The following ULK4 variants were observed in gnomAD, a reference collection of about 807,000 sequenced individuals.
ULK4 encodes inactive serine/threonine-protein kinase ULK4.
ULK4 carries 133 observed loss-of-function variants against 160.6 expected under a neutral mutation model. That is an observed-to-expected ratio of 0.83 (90% confidence interval 0.72 to 0.96). The LOEUF is 0.96. ULK4 is among the 40% of genes least tolerant of loss of function. ULK4 has a pLI of 0.00. For synonymous variants in ULK4, 534 were observed against 539.8 expected (o/e 0.99, Z 0.15); for missense variants, 1,580 against 1,499.5 (o/e 1.05, Z -0.89).
chr3:41,808,939 C>T lies in ULK4; in HGVS notation c.1849-8646G>A, dbSNP rs190755910. 2.9e-4 allele frequency among the ~76,000 whole-genome samples: 44 copies of T among 152,186 alleles called. No individual in the cohort carries two copies. In the East Asian group the frequency reaches 7.2e-3, roughly 25 times the overall value. On this transcript the variant is annotated intron_variant, in intron 19 of 36. Transcript: ENST00000301831. ...AACCCAGCATTTTGGGAGGCTGAGG[C>T]GGGCGGATCACGAGGTCAGAAGTTT...
intron 22 of ULK4, among the ~76,000 whole-genome samples, chr3:41,722,844 G>A (rs1223442968): frequency 6.6e-6 from 1 of 152,214 alleles, no homozygotes; most frequent in Admixed American, 6.5e-5. Context: ...AAGACATGAG[G>A]GGTGCTTTCA....
chr3:41,844,900 A>T (rs1036968450), intron 17 of ULK4, among the ~76,000 whole-genome samples: 13 of 152,038 alleles, frequency 8.6e-5, no homozygotes, highest in Non-Finnish European at 1.6e-4. Context: ...GTCCACACAA[A>T]CATCTGTAAA....
chr3:41,533,425 C>CTAA (rs2086390502), intron 32 of ULK4, among the ~76,000 whole-genome samples: 1 of 152,114 alleles, frequency 6.6e-6, no homozygotes, highest in African/African-American at 2.4e-5. Context: ...ATGTAATGTC[C>CTAA]CTGTTACTTC....
Position 41,883,932 on chromosome 3 carries a change from A to G in ULK4, c.1598T>C (p.Val533Ala). 3.1e-6 allele frequency: 5 copies of G among 1,610,596 alleles called. No individual in the cohort carries two copies. In the South Asian group the frequency reaches 5.5e-5, roughly 18 times the overall value. ...NWDIRAKVAH[V>A]IGLLASHTAE... ...TGTGTGCGAAGCCAGTAAACCAATT[A>G]CGTGAGCAACCTTGGCCCGTCTGTA... The change falls in exon 17 of 37, where the codon GTA becomes GCA. Residue 533 changes from valine to alanine, a missense_variant. Coordinates refer to ENST00000301831, the MANE Select transcript of ULK4 (RefSeq NM_017886.4).
chr3:41,560,929 C>A (rs2087541083), intron 32 of ULK4, among the ~76,000 whole-genome samples: 1 of 152,216 alleles, frequency 6.6e-6, no homozygotes, highest in Non-Finnish European at 1.5e-5. Flanking sequence ...AGAAGGCATC[C>A]TTGTCTTGTG....
At chr3:41,741,958 T>TC (rs1299317033) in intron 22 of ULK4, among the ~76,000 whole-genome samples, 1 of 151,338 alleles carries the variant, frequency 6.6e-6, no homozygotes, top group Non-Finnish European at 1.5e-5. Context: ...CCCAGAACTG[T>TC]CCCCCCAAAA....
chr3:41,318,295 AGTTTGGT>A (rs2080184940), intron 35 of ULK4, among the ~76,000 whole-genome samples: 1 of 152,156 alleles, frequency 6.6e-6, no homozygotes, highest in Non-Finnish European at 1.5e-5. Flanking sequence ...TTGTAGGACA[AGTTTGGT>A]ATTTTAACTT....
At chr3:41,304,641 A>G (rs2079868601) in intron 35 of ULK4, among the ~76,000 whole-genome samples, 1 of 152,244 alleles carries the variant, frequency 6.6e-6, no homozygotes, top group Admixed American at 6.5e-5. Flanking sequence ...CCCATAACCA[A>G]TCACCACTAC....
chr3:41,931,464 A>G (rs1699595760), intron 5 of ULK4, among the ~76,000 whole-genome samples: 1 of 53,286 alleles, frequency 1.9e-5, no homozygotes, highest in Admixed American at 2.6e-4. Flanking sequence ...CATGTACCCT[A>G]GAACTTAAAA....
intron 35 of ULK4, among the ~76,000 whole-genome samples, chr3:41,378,014 C>G (rs1396413579): frequency 6.6e-6 from 1 of 151,598 alleles, no homozygotes; most frequent in Non-Finnish European, 1.5e-5. Context: ...GAAAATGTGG[C>G]ACATATACAC....
At chr3:41,827,078 A>G (rs901856403) in intron 18 of ULK4, among the ~76,000 whole-genome samples, 16 of 150,674 alleles carry the variant, frequency 1.1e-4, no homozygotes, top group Admixed American at 4.6e-4. Flanking sequence ...ATAACGAAAC[A>G]AAGGCAGAAA....
At chr3:41,536,534 T>C (rs1380856248) in intron 32 of ULK4, among the ~76,000 whole-genome samples, 5 of 152,214 alleles carry the variant, frequency 3.3e-5, no homozygotes, top group African/African-American at 9.7e-5. Context: ...GGAATCTTAC[T>C]GATAACGTAA....
chr3:41,249,598 C>G (rs759137745), intron 35 of ULK4, 24 bp from the exon 36 acceptor site: 3 of 1,608,262 alleles, frequency 1.9e-6, no homozygotes, highest in Non-Finnish European at 2.5e-6. Flanking sequence ...AGGAAGAAGA[C>G]AGTGGTCAGC....
At chr3:41,463,058 C>T (rs780884947) in intron 33 of ULK4, 29 bp downstream of exon 33, 77 of 1,608,122 alleles carry the variant, frequency 4.8e-5, no homozygotes, top group Non-Finnish European at 6.3e-5. Flanking sequence ...AGTAGGGCTG[C>T]TCAAGACACA....
intron 35 of ULK4, among the ~76,000 whole-genome samples, chr3:41,323,088 C>T (rs1429436154): frequency 1.3e-5 from 2 of 152,174 alleles, no homozygotes; most frequent in East Asian, 3.9e-4. Context: ...CAGGCGTGCA[C>T]CACCATGCCC....
intron 30 of ULK4, among the ~76,000 whole-genome samples, chr3:41,658,705 G>A (rs1366110621): frequency 2.2e-4 from 27 of 123,552 alleles, no homozygotes; most frequent in Admixed American, 2.1e-3. Flanking sequence ...TAGACAGCAT[G>A]CTACTGTGTA....
rs1013460332 is a variant in ULK4 at position 41,911,214 on chromosome 3, T to A, written c.1085+103A>T. ...AACTGGCATTTGGCACTAAAATTCCTGTTCTTTATCTCTGTGTAACAAAGT... is the reference window on the plus strand; with the variant it reads ...AACTGGCATTTGGCACTAAAATTCCAGTTCTTTATCTCTGTGTAACAAAGT... On this transcript the variant is annotated intron_variant, in intron 11 of 36. Coordinates refer to ENST00000301831, the MANE Select transcript of ULK4 (RefSeq NM_017886.4). The A allele has an allele frequency of 3.6e-6, 4 of 1,123,432 alleles. No individual in the cohort carries two copies. The African/African-American group carries it at 4.7e-5, about 13-fold the overall frequency. The allele number at this position is 1,123,432 out of a possible 1,614,324, so 69.6% of individuals were successfully genotyped here.
At chr3:41,459,262 A>C (rs1352422309) in intron 33 of ULK4, among the ~76,000 whole-genome samples, 7 of 151,942 alleles carry the variant, frequency 4.6e-5, no homozygotes, top group Non-Finnish European at 8.8e-5. Flanking sequence ...ACAAGATTTC[A>C]CCATGTTGGC....
intron 35 of ULK4, among the ~76,000 whole-genome samples, chr3:41,353,544 T>C (rs1464569567): frequency 2.0e-5 from 3 of 152,118 alleles, no homozygotes; most frequent in Admixed American, 2.0e-4. Flanking sequence ...AGCTCATGAC[T>C]GTAGTCCTAG....
Sources: allele counts gnomAD v4.1 joint callset (sites outside exome capture counted in the v4.1 genomes callset), GRCh38; gene constraint gnomAD v4.1.1; transcripts MANE v1.5; gene names NCBI Gene and HGNC (gene_info 2026-07-23, HGNC 2026-07-21).